The following CACNA1E variants were observed in gnomAD, a reference collection of about 807,000 sequenced individuals.
The protein encoded by CACNA1E is voltage-dependent R-type calcium channel subunit alpha-1E.
Under a neutral mutation model 259.2 loss-of-function variants are expected in CACNA1E, and 40 were observed. The observed-to-expected ratio is 0.15, with a 90% CI of 0.12 to 0.20. CACNA1E has a LOEUF of 0.20. Among genes scored for constraint, CACNA1E ranks in the 10% least tolerant of loss-of-function variants. The pLI, the probability that CACNA1E is intolerant of heterozygous loss-of-function variation, is 1.00. For missense variants in CACNA1E, 1,874 were observed against 3,040.1 expected (o/e 0.62, Z 9.02); for synonymous variants, 1,104 against 1,138.5 (o/e 0.97, Z 0.61).
chr1:181,688,087 G>A (rs905865767), intron 7 of CACNA1E, among the ~76,000 whole-genome samples: 6 of 152,054 alleles, frequency 3.9e-5, no homozygotes, highest in African/African-American at 1.4e-4. Context: ...TGGGACAAAT[G>A]AAAATGAAAT....
In CACNA1E at chr1:181,485,987, G is replaced by A. The variant is rs953600124; in HGVS notation, c.266+1977G>A. 4.6e-5 allele frequency among the ~76,000 whole-genome samples: 7 copies of A among 152,248 alleles called. No homozygotes were observed. The highest frequency in any genetic ancestry group is 1.0e-4 in the Non-Finnish European group (7 of 68,036). Reference sequence around the variant, plus strand: ...CCAGTTACCCGGGTTCAGCACCTCGGGTACTTCTGGCCGGGCCCAGCCTTG... The same window carrying A: ...CCAGTTACCCGGGTTCAGCACCTCGAGTACTTCTGGCCGGGCCCAGCCTTG... On this transcript the variant is annotated intron_variant, in intron 1 of 47. Coordinates refer to ENST00000367573, the MANE Select transcript of CACNA1E (RefSeq NM_001205293.3). This position sits in a 1 kb window ranked among gnomAD's most constrained non-coding sequence, Gnocchi z 4.2.
intron 6 of CACNA1E, among the ~76,000 whole-genome samples, chr1:181,598,638 A>C (rs1450169520): frequency 6.6e-6 from 1 of 152,176 alleles, no homozygotes; most frequent in East Asian, 1.9e-4. Flanking sequence ...AAATCATCTC[A>C]TTACTTGAAA....
At chr1:181,503,510 C>A (rs2102578539) in intron 1 of CACNA1E, among the ~76,000 whole-genome samples, 1 of 152,290 alleles carries the variant, frequency 6.6e-6, no homozygotes, top group African/African-American at 2.4e-5. Context: ...AGGCCCATTA[C>A]CATAATTTTC....
At chr1:181,736,105 A>C (rs1656005624) in intron 21 of CACNA1E, among the ~76,000 whole-genome samples, 170 bp from the exon 22 acceptor site, 1 of 152,202 alleles carries the variant, frequency 6.6e-6, no homozygotes, top group African/African-American at 2.4e-5. Flanking sequence ...AGAGAAGAGG[A>C]GTTTAACTCA....
In CACNA1E at chr1:181,417,827, T is replaced by G. The variant is rs192018819; in HGVS notation, c.434+4247T>G. ...AGAGGCATGTACAGGCTCCATCCAC[T>G]GCACTGACCGCCTGCTGCATCTGGT... On this transcript the variant is annotated intron_variant, in intron 2 of 11. Transcript: ENST00000524607. 3.6e-3 allele frequency among the ~76,000 whole-genome samples: 547 copies of G among 152,304 alleles called. 5 individuals are homozygous for G. Among genetic ancestry groups the G allele is most frequent in the African/African-American group, 0.012 (507 of 41,574 alleles).
intron 1 of CACNA1E, among the ~76,000 whole-genome samples, chr1:181,383,974 T>C (rs1279505523): frequency 6.6e-6 from 1 of 152,276 alleles, no homozygotes. Flanking sequence ...TCCATGCCTC[T>C]GCTATCCACT....
Position 181,794,601 on chromosome 1 carries a change from C to T in CACNA1E, c.6028-263C>T, listed in dbSNP as rs546319151. On this transcript the variant is annotated intron_variant, in intron 45 of 47. Transcript: ENST00000367573. ...GCTTGCACAGTTCCTGCCTGCATTC[C>T]GCATGGCTTTGCCTTGGTACACTCA... 6.6e-5 allele frequency among the ~76,000 whole-genome samples: 10 copies of T among 152,330 alleles called. No individual in the cohort carries two copies. In the South Asian group the frequency reaches 8.3e-4, roughly 13 times the overall value.
In CACNA1E at chr1:181,587,799, T is replaced by C. The variant is rs555563573; in HGVS notation, c.951+7023T>C. ...TCAGGAGGCTGAGGCAGGAGAATGG[T>C]GTGAACCCGGGAGGTGGAGCTTGCA... On this transcript the variant is annotated intron_variant, in intron 6 of 47. Coordinates refer to ENST00000367573, the MANE Select transcript of CACNA1E (RefSeq NM_001205293.3). 1.4e-4 allele frequency among the ~76,000 whole-genome samples: 21 copies of C among 151,976 alleles called. No homozygotes were observed. In the East Asian group the frequency reaches 2.5e-3, roughly 18 times the overall value.
chr1:181,777,640 C>G (rs1660077418), intron 38 of CACNA1E, among the ~76,000 whole-genome samples: 2 of 152,214 alleles, frequency 1.3e-5, no homozygotes, highest in African/African-American at 4.8e-5. Flanking sequence ...TGGCCTTGGA[C>G]AAGTCACGTA....
rs376111539 is a variant in CACNA1E at position 181,616,340 on chromosome 1, G to T, written c.952-34998G>T. Reference sequence around the variant, plus strand: ...GGTTTTTTGTTTGTTTGTTTGTTTTGTTTTGTTTTTTTTGTTTTTTATTGT... The same window carrying T: ...GGTTTTTTGTTTGTTTGTTTGTTTTTTTTTGTTTTTTTTGTTTTTTATTGT... On this transcript the variant is annotated intron_variant, in intron 6 of 47. Coordinates refer to ENST00000367573, the MANE Select transcript of CACNA1E (RefSeq NM_001205293.3). Among the ~76,000 whole-genome samples the T allele has an allele frequency of 2.3e-3, 270 of 118,414 alleles. 2 individuals carry two copies. Among genetic ancestry groups the T allele is most frequent in the African/African-American group, 6.0e-3 (241 of 40,242 alleles). 77.7% of individuals were successfully genotyped at this position (118,414 alleles called of 152,430 possible).
Position 181,634,415 on chromosome 1 carries a change from C to T in CACNA1E, c.952-16923C>T, listed in dbSNP as rs182165548. On this transcript the variant is annotated intron_variant, in intron 6 of 47. Transcript: ENST00000367573. ...CTCTCTCAAGAGGCAAGAGAGAAAG[C>T]GAGACTGTCTTCCATGCAGTTTGCT... Among the ~76,000 whole-genome samples, 304 of 152,278 alleles carry T rather than the reference C, an allele frequency of 2.0e-3. 2 individuals carry two copies. The highest frequency in any genetic ancestry group is 6.9e-3 in the African/African-American group (286 of 41,546).
At chr1:181,723,641 A>T (rs1467039371) in intron 16 of CACNA1E, among the ~76,000 whole-genome samples, 3 of 152,174 alleles carry the variant, frequency 2.0e-5, no homozygotes, top group African/African-American at 7.2e-5. Flanking sequence ...TGCATGCCTC[A>T]GGTTACTTTA....
At position 181,801,866 on chromosome 1, in the gene CACNA1E, A is replaced by G. The variant is rs1185949768; in HGVS notation, c.*3032A>G. ...TCTTGCTAATATATGACTCGTCTTC[A>G]CCATCTCCTCAAAACAAGAGCAAAG... On this transcript the variant is annotated 3_prime_UTR_variant, in exon 48 of 48. Coordinates refer to ENST00000367573, the MANE Select transcript of CACNA1E (RefSeq NM_001205293.3). 1 of 152,248 alleles carries G rather than the reference A, an allele frequency of 6.6e-6. No individual in the cohort carries two copies. The highest frequency in any genetic ancestry group is 2.4e-5 in the African/African-American group (1 of 41,452). The allele number at this position is 152,248 out of a possible 1,614,324, so 9.4% of individuals were successfully genotyped here.
chr1:181,357,192 C>A (rs1653513727), intron 1 of CACNA1E, among the ~76,000 whole-genome samples: 1 of 152,124 alleles, frequency 6.6e-6, no homozygotes, highest in South Asian at 2.1e-4. Flanking sequence ...CCCAGAGGCT[C>A]ACTGGTCTGG....
chr1:181,400,047 T>A (rs1269692974), intron 1 of CACNA1E, among the ~76,000 whole-genome samples: 1 of 152,226 alleles, frequency 6.6e-6, no homozygotes, highest in East Asian at 1.9e-4. Context: ...GTGACCCAGA[T>A]AAATAATAGG....
chr1:181,572,817 T>C (rs887512145), intron 3 of CACNA1E, among the ~76,000 whole-genome samples: 3 of 152,138 alleles, frequency 2.0e-5, no homozygotes, highest in Non-Finnish European at 2.9e-5. Flanking sequence ...TTGTACATAG[T>C]AATTAGGAGA....
chr1:181,737,680 G>A (rs1398885410), intron 23 of CACNA1E, 26 bp downstream of exon 23: 3 of 1,608,976 alleles, frequency 1.9e-6, no homozygotes, highest in Middle Eastern at 1.7e-4. Flanking sequence ...CCATGTGCCA[G>A]CCTCTGTAGT....
chr1:181,643,412 C>T (rs575854020), intron 6 of CACNA1E, among the ~76,000 whole-genome samples: 90 of 152,366 alleles, frequency 5.9e-4, no homozygotes, highest in African/African-American at 2.1e-3. Flanking sequence ...GAGGTGCCCA[C>T]TTTTGCAGAC....
At chr1:181,663,673 G>A (rs535249962) in intron 7 of CACNA1E, among the ~76,000 whole-genome samples, 28 of 152,286 alleles carry the variant, frequency 1.8e-4, no homozygotes, top group African/African-American at 6.7e-4. Context: ...ACTGGTACTG[G>A]AGATCCTCGA....
Sources: gnomAD v4.1 joint callset for allele counts (sites outside exome capture counted in the v4.1 genomes callset) on GRCh38, gnomAD v4.1.1 for gene constraint, Gnocchi (gnomAD v3.1) non-coding constraint, MANE v1.5 for transcripts, NCBI Gene and HGNC (gene_info 2026-07-23, HGNC 2026-07-21) for gene names.